Variants in ITPR1 observed in about 807,000 individuals in gnomAD.
ITPR1 encodes the protein inositol 1,4,5-trisphosphate-gated calcium channel ITPR1.
A neutral mutation model predicts 318.4 loss-of-function variants in ITPR1; 96 were observed. The ratio of observed to expected loss-of-function variants is 0.30; its 90% CI spans 0.26 to 0.36. The LOEUF (loss-of-function observed/expected upper bound fraction) is 0.36. Among genes scored for constraint, ITPR1 ranks in the 10% least tolerant of loss-of-function variants. ITPR1 has a pLI of 1.00. For missense variants in ITPR1, 2,440 were observed against 3,460.2 expected, an observed-to-expected ratio of 0.71 and a Z score of 7.40; for synonymous variants, 1,312 against 1,289.9, an observed-to-expected ratio of 1.02 and a Z score of -0.37.
At chr3:4,737,866 A>G (rs1388436686) in intron 44 of ITPR1, among the ~76,000 whole-genome samples, 4 of 152,228 alleles carry the variant, frequency 2.6e-5, no homozygotes, top group African/African-American at 4.8e-5. Flanking sequence ...TGGTGGTTAC[A>G]TGACTGTGCA....
chr3:4,803,652 A>C (rs1014643481), intron 54 of ITPR1, among the ~76,000 whole-genome samples: 1 of 152,166 alleles, frequency 6.6e-6, no homozygotes, highest in Non-Finnish European at 1.5e-5. Context: ...TTACATAAAC[A>C]ACTAGGTAGA....
At chr3:4,624,533 G>A (rs1169239593) in intron 4 of ITPR1, among the ~76,000 whole-genome samples, 1 of 152,026 alleles carries the variant, frequency 6.6e-6, no homozygotes, top group African/African-American at 2.4e-5. Flanking sequence ...GCTGGGCATG[G>A]TGGTGAGCAC....
intron 31 of ITPR1, among the ~76,000 whole-genome samples, chr3:4,689,830 T>C (rs1276559501): frequency 1.3e-5 from 2 of 152,222 alleles, no homozygotes; most frequent in Admixed American, 1.3e-4. Context: ...GGCCTTCTTT[T>C]AAGAACTTCT....
chr3:4,604,207 A>G (rs1014394947), intron 4 of ITPR1, among the ~76,000 whole-genome samples: 5 of 152,156 alleles, frequency 3.3e-5, no homozygotes, highest in Non-Finnish European at 5.9e-5. Flanking sequence ...AGGCACATAC[A>G]TTTAACAGAG....
In ITPR1 at chr3:4,735,339, C is replaced by G. The variant is rs776891199; in HGVS notation, c.5529C>G (p.Gly1843=). 1.2e-6 allele frequency: 2 copies of G among 1,613,640 alleles called. No individual in the cohort carries two copies. The highest frequency in any genetic ancestry group is 1.7e-6 in the Non-Finnish European group (2 of 1,179,612). ...ILLAIALLEG[G]NTTIQHSFFC... is the part of the protein sequence containing the mutation. ...TGGCCATTGCCCTTCTGGAAGGAGG[C>G]AACACCACCATCCAGGTAGGAAGGC... The change falls in exon 44 of 62, where the codon GGC becomes GGG. Residue 1843 remains glycine (G), a synonymous_variant. Coordinates refer to ENST00000649015, the MANE Select transcript of ITPR1 (RefSeq NM_001378452.1).
At chr3:4,726,650 T>C (rs1416384669) in intron 41 of ITPR1, among the ~76,000 whole-genome samples, 4 of 152,196 alleles carry the variant, frequency 2.6e-5, no homozygotes, top group Admixed American at 2.0e-4. Flanking sequence ...GTTAACGGTT[T>C]TGTTACAAGA....
At chr3:4,516,676 C>A in intron 3 of ITPR1, 93 bp downstream of exon 3, 1 of 812,974 alleles carries the variant, frequency 1.2e-6, no homozygotes, top group Non-Finnish European at 2.0e-6. Context: ...AGAACGTCAC[C>A]GTTTTACTTG....
At chr3:4,682,937 C>G (rs902555350) in intron 26 of ITPR1, among the ~76,000 whole-genome samples, 19 of 152,076 alleles carry the variant, frequency 1.2e-4, no homozygotes, top group Admixed American at 1.3e-4. Flanking sequence ...TCCTATAGTC[C>G]CAGCTACTCA....
At chr3:4,601,406 C>T (rs906581502) in intron 4 of ITPR1, among the ~76,000 whole-genome samples, 1 of 151,306 alleles carries the variant, frequency 6.6e-6, no homozygotes, top group Non-Finnish European at 1.5e-5. Flanking sequence ...GTAGTCCCAG[C>T]TACTCGGGAG....
intron 60 of ITPR1, among the ~76,000 whole-genome samples, chr3:4,829,661 C>CTGTTTGT (rs1047308263): frequency 5.3e-5 from 8 of 152,052 alleles, no homozygotes; most frequent in Admixed American, 2.0e-4. Flanking sequence ...TTATTGTGGC[C>CTGTTTGT]TGTTTGTTTG....
intron 4 of ITPR1, among the ~76,000 whole-genome samples, chr3:4,609,858 G>A (rs1357357868): frequency 6.6e-6 from 1 of 152,194 alleles, no homozygotes; most frequent in Non-Finnish European, 1.5e-5. Flanking sequence ...GGAGAAACGG[G>A]GCCAAACCAG....
chr3:4,843,584 C>T (rs1025488831), intron 61 of ITPR1, among the ~76,000 whole-genome samples: 9 of 152,200 alleles, frequency 5.9e-5, no homozygotes, highest in African/African-American at 1.4e-4. Context: ...GTGATTCTGG[C>T]GCATGCTGAA....
At chr3:4,604,510 T>A (rs1284390435) in intron 4 of ITPR1, among the ~76,000 whole-genome samples, 1 of 152,162 alleles carries the variant, frequency 6.6e-6, no homozygotes, top group Non-Finnish European at 1.5e-5. Flanking sequence ...AATTCTGATG[T>A]GGGATCAGCG....
At chr3:4,503,589 T>C (rs304026) in intron 2 of ITPR1, among the ~76,000 whole-genome samples, 56,267 of 151,718 alleles carry the variant, frequency 0.37, 10,574 homozygotes, top group Admixed American at 0.41. Context: ...CGTCTGGAGA[T>C]ATTTTTGGTT....
At chr3:4,504,231 G>A (rs968392137) in intron 2 of ITPR1, among the ~76,000 whole-genome samples, 16 of 152,160 alleles carry the variant, frequency 1.1e-4, no homozygotes, top group African/African-American at 3.9e-4. Context: ...GTACCTGGTT[G>A]GGGAAAAGGT....
chr3:4,701,620 C>T (rs1240104113), intron 35 of ITPR1, among the ~76,000 whole-genome samples: 1 of 152,182 alleles, frequency 6.6e-6, no homozygotes, highest in Non-Finnish European at 1.5e-5. Context: ...GGAGGTTTGC[C>T]ATCAGAGACT....
chr3:4,697,230 C>G lies in ITPR1; in HGVS notation c.4365C>G (p.His1455Gln). 1 of 1,581,734 alleles carries G rather than the reference C, an allele frequency of 6.3e-7. No homozygotes were observed. Among genetic ancestry groups the G allele is most frequent in the Non-Finnish European group, 8.6e-7 (1 of 1,162,636 alleles). The stretch of plus-strand genomic sequence containing the variant: ...TGAAGGAGATTTATACCAGCAATCA[C>G]ATGTGGAAATTGTTTGAGAATTTCC... ...VEMKEIYTSN[H>Q]MWKLFENFLV... Residue 1455 changes from histidine (H) to glutamine (Q), a missense_variant, in exon 34 of 62, where the codon CAC becomes CAG. Physicochemically the swap from His to Gln is conservative, Grantham distance 24. Coordinates refer to ENST00000649015, the MANE Select transcript of ITPR1 (RefSeq NM_001378452.1).
At chr3:4,569,807 T>C (rs554574562) in intron 4 of ITPR1, among the ~76,000 whole-genome samples, 17 of 152,240 alleles carry the variant, frequency 1.1e-4, no homozygotes, top group Admixed American at 8.5e-4. Context: ...TTTGTTCACA[T>C]TGAACTCTAG....
At chr3:4,839,286 C>A (rs2051164214) in intron 61 of ITPR1, among the ~76,000 whole-genome samples, 1 of 151,730 alleles carries the variant, frequency 6.6e-6, no homozygotes, top group Non-Finnish European at 1.5e-5. Flanking sequence ...GAGATCACGT[C>A]ACTGCACTCC....
Sources: allele counts gnomAD v4.1 joint callset (sites outside exome capture counted in the v4.1 genomes callset), GRCh38; gene constraint gnomAD v4.1.1; transcripts MANE v1.5; gene names NCBI Gene and HGNC (gene_info 2026-07-23, HGNC 2026-07-21).